The following GOT1 variants were observed in gnomAD, a reference collection of about 807,000 sequenced individuals.
GOT1 encodes glutamic-oxaloacetic transaminase 1, also known as aspartate aminotransferase, cytoplasmic.
In GOT1, 25 loss-of-function variants were observed where a neutral mutation model predicts 48.2. That is an observed-to-expected ratio of 0.52 (90% confidence interval 0.38 to 0.72). The LOEUF (loss-of-function observed/expected upper bound fraction) is 0.72, where lower values mean the gene tolerates loss of function less well. Among genes scored for constraint, GOT1 ranks in the 30% least tolerant of loss-of-function variants. The pLI, the probability that GOT1 is intolerant of heterozygous loss-of-function variation, is 0.00. For synonymous variants in GOT1, 188 were observed against 193.8 expected (o/e 0.97, Z 0.25); for missense variants, 380 against 520.1 (o/e 0.73, Z 2.62).
At chr10:99,398,606 A>G (rs1180105801) in intron 8 of GOT1, among the ~76,000 whole-genome samples, 1 of 151,100 alleles carries the variant, frequency 6.6e-6, no homozygotes, top group Non-Finnish European at 1.5e-5. Flanking sequence ...AAGAGGAGGA[A>G]GTTGCAGTGA....
At chr10:99,417,502 C>T (rs958319261) in intron 2 of GOT1, among the ~76,000 whole-genome samples, 9 of 152,216 alleles carry the variant, frequency 5.9e-5, no homozygotes, top group East Asian at 1.9e-4. Context: ...CTAGTTCAAC[C>T]GTTGTGGAAG....
chr10:99,427,662 C>G (rs2134111868), intron 1 of GOT1, among the ~76,000 whole-genome samples: 1 of 152,292 alleles, frequency 6.6e-6, no homozygotes, highest in South Asian at 2.1e-4. Flanking sequence ...AACAACCCTT[C>G]CAAGTCACAT....
intron 2 of GOT1, among the ~76,000 whole-genome samples, chr10:99,412,356 A>G (rs1010064558): frequency 3.3e-5 from 5 of 151,854 alleles, no homozygotes; most frequent in African/African-American, 1.2e-4. Context: ...GGGAGTGGGA[A>G]CAGGTGACAT....
intron 8 of GOT1, among the ~76,000 whole-genome samples, chr10:99,398,843 C>A (rs553572749): frequency 6.6e-6 from 1 of 152,288 alleles, no homozygotes; most frequent in East Asian, 1.9e-4. Context: ...ATAACTTTAT[C>A]ATGCCCATTT....
chr10:99,407,204 TGC>T (rs1429302399), intron 2 of GOT1, among the ~76,000 whole-genome samples: 3 of 136,536 alleles, frequency 2.2e-5, no homozygotes, highest in Non-Finnish European at 3.3e-5. Flanking sequence ...TGTGTGTGTG[TGC>T]ATGCACGCAC....
intron 8 of GOT1, among the ~76,000 whole-genome samples, chr10:99,398,124 A>C (rs1357553471): frequency 6.6e-6 from 1 of 152,116 alleles, no homozygotes; most frequent in Non-Finnish European, 1.5e-5. Flanking sequence ...TTTACAATAC[A>C]TTGGGTAAGG....
chr10:99,406,664 G>C, intron 3 of GOT1, 62 bp downstream of exon 3: 1 of 1,518,724 alleles, frequency 6.6e-7, no homozygotes, highest in Non-Finnish European at 9.1e-7. Context: ...TAACCAGGGA[G>C]AGTCATGAGG....
At position 99,406,531 on chromosome 10, in the gene GOT1, A is replaced by G. The variant is rs77655439; in HGVS notation, c.424+195T>C. ...CCTTGGTAGATACAAGTCTACTAAG[A>G]GTCTTGAGAAAGAGTATTCTTAACT... On this transcript the variant is annotated intron_variant, in intron 3 of 8. Coordinates refer to ENST00000370508, the MANE Select transcript of GOT1 (RefSeq NM_002079.3). Among the ~76,000 whole-genome samples, 277 of 152,332 alleles carry G rather than the reference A, an allele frequency of 1.8e-3. 1 individual carries two copies. The Middle Eastern group carries it at 0.034, about 19-fold the overall frequency.
intron 5 of GOT1, among the ~76,000 whole-genome samples, chr10:99,404,642 T>C (rs1242533608): frequency 6.6e-6 from 1 of 152,142 alleles, no homozygotes; most frequent in African/African-American, 2.4e-5. Context: ...GCCTGTCTAG[T>C]CTTGCCTCTC....
chr10:99,405,555 A>ACC (rs1281027866), intron 5 of GOT1, among the ~76,000 whole-genome samples: 1 of 151,830 alleles, frequency 6.6e-6, no homozygotes, highest in African/African-American at 2.4e-5. Flanking sequence ...ACACACACAC[A>ACC]CACAGTCTGA....
chr10:99,422,423 G>A (rs1459557572), intron 1 of GOT1, among the ~76,000 whole-genome samples: 3 of 152,158 alleles, frequency 2.0e-5, no homozygotes, highest in African/African-American at 4.8e-5. Context: ...GAGACAAGGA[G>A]TATGAAAATT....
At chr10:99,422,153 A>G (rs915736079) in intron 1 of GOT1, among the ~76,000 whole-genome samples, 1 of 152,100 alleles carries the variant, frequency 6.6e-6, no homozygotes, top group African/African-American at 2.4e-5. Flanking sequence ...ACAGTGAGTG[A>G]GTTCTCACTA....
At position 99,406,117 on chromosome 10, in the gene GOT1, T is replaced by A. The variant is rs757695988; in HGVS notation, c.537+20A>T. 6.8e-7 allele frequency: 1 copy of A among 1,480,434 alleles called. No homozygotes were observed. The highest frequency in any genetic ancestry group is 2.3e-5 in the East Asian group (1 of 44,304). 91.7% of individuals were successfully genotyped at this position (1,480,434 alleles called of 1,614,324 possible). A position where few individuals can be genotyped will look rare whatever the true frequency, so the allele number is the denominator to read the frequency against. The stretch of plus-strand genomic sequence containing the variant: ...TCCTGACACCATGCAATTCTCTACT[T>A]TTTCCTCTAAATCACCCACCTCCAG... On this transcript the variant is annotated intron_variant, in intron 4 of 8. Transcript: ENST00000370508.
chr10:99,430,189 G>A, intron 1 of GOT1: 1 of 946,206 alleles, frequency 1.1e-6, no homozygotes, highest in Non-Finnish European at 1.6e-6. Flanking sequence ...ATGGGGAATC[G>A]GAAAGACTGA....
intron 2 of GOT1, among the ~76,000 whole-genome samples, chr10:99,408,804 G>A (rs1489394648): frequency 6.6e-6 from 1 of 152,172 alleles, no homozygotes; most frequent in Non-Finnish European, 1.5e-5. Context: ...AAGGATGTAG[G>A]AATAGTGGTT....
At chr10:99,403,405 G>A in intron 7 of GOT1, 64 bp downstream of exon 7, 1 of 1,293,446 alleles carries the variant, frequency 7.7e-7, no homozygotes, top group Admixed American at 2.1e-5. Context: ...CCAGTTAAAT[G>A]TACTGGGACA....
intron 1 of GOT1, among the ~76,000 whole-genome samples, chr10:99,426,359 C>A (rs1358319659): frequency 6.6e-6 from 1 of 152,188 alleles, no homozygotes; most frequent in Non-Finnish European, 1.5e-5. Context: ...CCATCACCCT[C>A]ATCTTCCTCC....
intron 3 of GOT1, 107 bp downstream of exon 3, chr10:99,406,619 G>A: frequency 1.8e-6 from 2 of 1,108,040 alleles, no homozygotes; most frequent in South Asian, 2.8e-5. Flanking sequence ...ATTCCCAACA[G>A]TCAGTTGTTC....
intron 2 of GOT1, among the ~76,000 whole-genome samples, chr10:99,411,732 G>A (rs1362902585): frequency 6.6e-6 from 1 of 152,204 alleles, no homozygotes; most frequent in African/African-American, 2.4e-5. Flanking sequence ...AGTCACTGCT[G>A]TGCTCCAGCA....
Sources: allele counts gnomAD v4.1 joint callset (sites outside exome capture counted in the v4.1 genomes callset), GRCh38; gene constraint gnomAD v4.1.1; transcripts MANE v1.5; gene names NCBI Gene and HGNC (gene_info 2026-07-23, HGNC 2026-07-21).